Variants in SLC6A11 observed in about 807,000 individuals in gnomAD.
SLC6A11 encodes sodium- and chloride-dependent GABA transporter 3.
SLC6A11 carries 25 observed loss-of-function variants against 74.8 expected under a neutral mutation model. That is an observed-to-expected ratio of 0.33 (90% confidence interval 0.24 to 0.47). The LOEUF is 0.47. Ranked by LOEUF, SLC6A11 falls within the 20% of genes least tolerant of loss-of-function variation. The pLI is 1.00. For synonymous variants in SLC6A11, 330 were observed against 330.2 expected, an observed-to-expected ratio of 1.00 and a Z score of 0.01; for missense variants, 574 against 837.0, an observed-to-expected ratio of 0.69 and a Z score of 3.88.
At chr3:10,833,863 G>C (rs1378218518) in intron 4 of SLC6A11, among the ~76,000 whole-genome samples, 3 of 152,190 alleles carry the variant, frequency 2.0e-5, no homozygotes, top group African/African-American at 7.2e-5. Context: ...ACGGGTATTT[G>C]TATTTTTCAC....
intron 5 of SLC6A11, among the ~76,000 whole-genome samples, chr3:10,863,261 G>A (rs1201426030): frequency 1.3e-5 from 2 of 152,192 alleles, no homozygotes; most frequent in African/African-American, 4.8e-5. Context: ...AGGAGGAAGG[G>A]AAGCTACTGT....
At chr3:10,846,430 A>G (rs1694504093) in intron 5 of SLC6A11, among the ~76,000 whole-genome samples, 1 of 151,982 alleles carries the variant, frequency 6.6e-6, no homozygotes, top group Non-Finnish European at 1.5e-5. Flanking sequence ...GGTGCAGGAG[A>G]GGTTGCCTGC....
At chr3:10,892,762 T>C (rs1248316483) in intron 6 of SLC6A11, among the ~76,000 whole-genome samples, 1 of 151,596 alleles carries the variant, frequency 6.6e-6, no homozygotes, top group Non-Finnish European at 1.5e-5. Flanking sequence ...GAAGAGATGA[T>C]TTACCTGTGG....
intron 5 of SLC6A11, among the ~76,000 whole-genome samples, chr3:10,844,830 C>T (rs1464804790): frequency 1.3e-5 from 2 of 152,140 alleles, no homozygotes; most frequent in Non-Finnish European, 2.9e-5. Context: ...TGCTGTGCCA[C>T]CTGTACCATG....
chr3:10,890,997 C>A (rs989474051), intron 6 of SLC6A11, among the ~76,000 whole-genome samples: 1 of 152,206 alleles, frequency 6.6e-6, no homozygotes, highest in African/African-American at 2.4e-5. Context: ...TTTCTAACTT[C>A]TGGCTCACTA....
intron 6 of SLC6A11, among the ~76,000 whole-genome samples, chr3:10,878,648 C>T (rs1224446972): frequency 6.6e-6 from 1 of 151,346 alleles, no homozygotes; most frequent in Non-Finnish European, 1.5e-5. Flanking sequence ...CTCCTGACCT[C>T]GTGATCCACC....
intron 6 of SLC6A11, among the ~76,000 whole-genome samples, chr3:10,875,628 T>C (rs1694898112): frequency 6.6e-6 from 1 of 152,216 alleles, no homozygotes; most frequent in African/African-American, 2.4e-5. Context: ...TGATTTTCTT[T>C]GTGGGAGTAG....
At chr3:10,821,979 C>T (rs1694144058) in intron 3 of SLC6A11, among the ~76,000 whole-genome samples, 1 of 152,190 alleles carries the variant, frequency 6.6e-6, no homozygotes, top group Non-Finnish European at 1.5e-5. Flanking sequence ...CCCAGACCAC[C>T]TCCTTTCAGA....
chr3:10,823,541 G>A (rs1694165397), intron 4 of SLC6A11, 149 bp downstream of exon 4: 2 of 624,506 alleles, frequency 3.2e-6, no homozygotes. Context: ...AGCTTCGGAA[G>A]CAAGAGTGCA....
intron 6 of SLC6A11, among the ~76,000 whole-genome samples, chr3:10,906,260 A>C (rs1695300985): frequency 6.6e-6 from 1 of 152,222 alleles, no homozygotes; most frequent in Non-Finnish European, 1.5e-5. Flanking sequence ...AACAGAAAAA[A>C]AAATTATTTT....
chr3:10,879,414 A>G (rs569128523), intron 6 of SLC6A11, among the ~76,000 whole-genome samples: 130 of 152,274 alleles, frequency 8.5e-4, no homozygotes, highest in Admixed American at 1.6e-3. Context: ...CCTAATTCCA[A>G]CTGTCCCCAT....
intron 5 of SLC6A11, among the ~76,000 whole-genome samples, chr3:10,864,695 C>T (rs1241251833): frequency 2.0e-5 from 3 of 152,128 alleles, no homozygotes; most frequent in Admixed American, 6.5e-5. Context: ...TCCTTCTAGG[C>T]ACTGTCTGCA....
At chr3:10,855,177 G>A (rs1437291592) in intron 5 of SLC6A11, among the ~76,000 whole-genome samples, 1 of 152,182 alleles carries the variant, frequency 6.6e-6, no homozygotes, top group Non-Finnish European at 1.5e-5. Flanking sequence ...ACACACAGGT[G>A]ACAATTAGCT....
At chr3:10,846,478 G>A (rs943948951) in intron 5 of SLC6A11, among the ~76,000 whole-genome samples, 4 of 152,176 alleles carry the variant, frequency 2.6e-5, no homozygotes, top group African/African-American at 9.7e-5. Flanking sequence ...GCTATTCCGG[G>A]ACCTCATATG....
At chr3:10,840,317 C>T (rs1694421560) in intron 4 of SLC6A11, among the ~76,000 whole-genome samples, 1 of 152,178 alleles carries the variant, frequency 6.6e-6, no homozygotes, top group South Asian at 2.1e-4. Context: ...GCATATGCCC[C>T]CCACTTCTTT....
At position 10,918,478 on chromosome 3, in the gene SLC6A11, G is replaced by A. The variant is rs748433971; in HGVS notation, c.1120+25G>A. The stretch of plus-strand genomic sequence containing the variant: ...GGTAAGTTCGCCAAAGGTGGGGATG[G>A]AAAAGGCGGCAAGGGAGGCCAGGAG... On this transcript the variant is annotated intron_variant, in intron 8 of 13. Coordinates refer to ENST00000254488, the MANE Select transcript of SLC6A11 (RefSeq NM_014229.3). The surrounding 1 kb of genome is among the most constrained non-coding windows in gnomAD (Gnocchi z 4.5). The A allele has an allele frequency of 9.4e-6, 15 of 1,598,702 alleles. No individual in the cohort carries two copies. Among genetic ancestry groups the A allele is most frequent in the South Asian group, 1.1e-5 (1 of 88,982 alleles).
chr3:10,916,403 G>T (rs763000839), intron 7 of SLC6A11, among the ~76,000 whole-genome samples: 4 of 152,190 alleles, frequency 2.6e-5, no homozygotes, highest in Non-Finnish European at 5.9e-5. Flanking sequence ...GTGATTGCTT[G>T]TATTGCTCAC....
chr3:10,929,111 C>T, intron 9 of SLC6A11, 91 bp from the exon 10 acceptor site: 1 of 1,390,226 alleles, frequency 7.2e-7, no homozygotes, highest in South Asian at 1.3e-5. Flanking sequence ...GAAGGAAGCC[C>T]AGGGTTCAGG....
At chr3:10,876,986 T>G (rs1387861646) in intron 6 of SLC6A11, among the ~76,000 whole-genome samples, 1 of 152,122 alleles carries the variant, frequency 6.6e-6, no homozygotes, top group Non-Finnish European at 1.5e-5. Flanking sequence ...CTTCCCTCTT[T>G]CTGGTCCTCA....
Sources: allele counts gnomAD v4.1 joint callset (sites outside exome capture counted in the v4.1 genomes callset), GRCh38; gene constraint gnomAD v4.1.1; non-coding constraint Gnocchi (gnomAD v3.1); transcripts MANE v1.5; gene names NCBI Gene and HGNC (gene_info 2026-07-23, HGNC 2026-07-21).